Variants in CHODL observed in about 807,000 individuals in gnomAD.
CHODL encodes the protein chondrolectin, also known as transmembrane protein MT75.
CHODL carries 29 observed loss-of-function variants against 34.5 expected under a neutral mutation model. The observed-to-expected ratio is 0.84, with a 90% CI of 0.63 to 1.15. The LOEUF (loss-of-function observed/expected upper bound fraction) is 1.15. CHODL is among the 50% of genes most tolerant of loss of function. CHODL has a pLI of 0.00. For missense variants in CHODL, 332 were observed against 332.5 expected (o/e 1.00, Z 0.01); for synonymous variants, 125 against 116.1 (o/e 1.08, Z -0.49).
chr21:18,257,228 G>T (rs2074329027), intron 3 of CHODL, 101 bp downstream of exon 3: 9 of 1,099,258 alleles, frequency 8.2e-6, no homozygotes, highest in Non-Finnish European at 1.2e-5. Flanking sequence ...TTGTTTTTCT[G>T]CTGTGAAATA....
chr21:18,192,958 T>C (rs1304249510), intron 2 of CHODL, among the ~76,000 whole-genome samples: 1 of 152,164 alleles, frequency 6.6e-6, no homozygotes, highest in Admixed American at 6.5e-5. Context: ...TTAAAGCTAT[T>C]TAAGTTGGAA....
chr21:18,026,294 G>C (rs1449090540), intron 1 of CHODL, among the ~76,000 whole-genome samples: 1 of 152,158 alleles, frequency 6.6e-6, no homozygotes, highest in South Asian at 2.1e-4. Context: ...GATTTGAACA[G>C]CCTTAGTTCT....
intron 1 of CHODL, among the ~76,000 whole-genome samples, chr21:18,250,490 A>T (rs1328908607): frequency 6.6e-6 from 1 of 151,908 alleles, no homozygotes; most frequent in Non-Finnish European, 1.5e-5. Context: ...AATGTAAGAA[A>T]ATAGACTCCA....
upstream of CHODL, among the ~76,000 whole-genome samples, chr21:18,243,204 C>T (rs1192535371): frequency 2.0e-5 from 3 of 152,210 alleles, no homozygotes; most frequent in Non-Finnish European, 4.4e-5. Flanking sequence ...CATTTATACA[C>T]AGAGTTATTA....
In CHODL at chr21:18,231,903, T is replaced by G. The variant is rs1322072223; in HGVS notation, c.-44-24606T>G. 5.9e-5 allele frequency among the ~76,000 whole-genome samples: 9 copies of G among 151,986 alleles called. 1 individual carries two copies. Among genetic ancestry groups the G allele is most frequent in the Non-Finnish European group, 1.3e-4 (9 of 67,964 alleles). Reference sequence around the variant, plus strand: ...GTAGTTACCGCTGGAGAAACTTGTATATAGTTTTATATAATAAAATGATGG... The same window carrying G: ...GTAGTTACCGCTGGAGAAACTTGTAGATAGTTTTATATAATAAAATGATGG... On this transcript the variant is annotated intron_variant, in intron 2 of 6. Coordinates refer to the CHODL transcript ENST00000400127.
rs747499700 is a variant in CHODL at position 18,266,008 on chromosome 21, T to C, written c.792T>C (p.Ser264=). Residue 264 remains serine (S), a synonymous_variant, in exon 6 of 6, where the codon AGT becomes AGC. Coordinates refer to ENST00000299295, the MANE Select transcript of CHODL (RefSeq NM_024944.3). ...PNQSTLWISK[S]TRKESGMEV is the part of the protein sequence containing the mutation. ...AGTCTACACTGTGGATTTCAAAGAG[T>C]ACCAGAAAAGAAAGTGGCATGGAAG... 1 of 1,613,348 alleles carries C rather than the reference T, an allele frequency of 6.2e-7. No individual in the cohort carries two copies. Among genetic ancestry groups the C allele is most frequent in the Non-Finnish European group, 8.5e-7 (1 of 1,179,646 alleles).
chr21:18,179,601 G>A (rs2073357356), intron 2 of CHODL, among the ~76,000 whole-genome samples: 1 of 152,100 alleles, frequency 6.6e-6, no homozygotes, highest in Non-Finnish European at 1.5e-5. Context: ...ACTTTATCTT[G>A]ATTCTCCTGT....
At chr21:17,978,747 C>T (rs763896187) in intron 1 of CHODL, among the ~76,000 whole-genome samples, 7 of 139,698 alleles carry the variant, frequency 5.0e-5, no homozygotes, top group East Asian at 2.1e-4. Flanking sequence ...AAAAAAAAAA[C>T]AAACAAACAG....
chr21:18,174,152 T>TATATATATATATATATATATATATATAA (rs1568923201), intron 2 of CHODL, among the ~76,000 whole-genome samples: 4 of 125,824 alleles, frequency 3.2e-5, no homozygotes, highest in African/African-American at 1.2e-4. Flanking sequence ...TATATATATA[T>TATATATATATATATATATATATATATAA]ATATATATAA....
At chr21:17,997,454 G>A (rs2063860995) in intron 1 of CHODL, among the ~76,000 whole-genome samples, 1 of 152,202 alleles carries the variant, frequency 6.6e-6, no homozygotes, top group African/African-American at 2.4e-5. Flanking sequence ...CCTGGGCTTG[G>A]CAGATATTGG....
chr21:18,022,824 G>T (rs1341280004), intron 1 of CHODL, among the ~76,000 whole-genome samples: 2 of 152,290 alleles, frequency 1.3e-5, no homozygotes, highest in South Asian at 4.2e-4. Flanking sequence ...ACTCCAATGA[G>T]CATTATCTTG....
intron 1 of CHODL, among the ~76,000 whole-genome samples, chr21:17,960,490 C>T (rs866448829): frequency 2.0e-5 from 3 of 152,218 alleles, no homozygotes; most frequent in Admixed American, 6.5e-5. Flanking sequence ...AGATTTTTTT[C>T]AGTTCTCATC....
intron 2 of CHODL, among the ~76,000 whole-genome samples, chr21:18,148,417 T>C (rs890759028): frequency 6.6e-6 from 1 of 150,548 alleles, no homozygotes; most frequent in African/African-American, 2.5e-5. Context: ...TTTATATGTA[T>C]GATTTTTTTA....
intron 2 of CHODL, among the ~76,000 whole-genome samples, chr21:18,219,036 A>G (rs1183360088): frequency 6.6e-6 from 1 of 151,794 alleles, no homozygotes; most frequent in Non-Finnish European, 1.5e-5. Context: ...AACTGTTCCA[A>G]CCTCTGCCTG....
chr21:17,955,986 A>C lies in CHODL; in HGVS notation c.-145+38586A>C, dbSNP rs73323213. Among the ~76,000 whole-genome samples, 1,206 of 137,094 alleles carry C rather than the reference A, an allele frequency of 8.8e-3. 119 individuals carry two copies. The highest frequency in any genetic ancestry group is 0.029 in the African/African-American group (1,145 of 39,980). The allele number at this position is 137,094 out of a possible 152,430, so 89.9% of individuals were successfully genotyped here. On this transcript the variant is annotated intron_variant, in intron 1 of 6. Coordinates refer to the CHODL transcript ENST00000400127. ...ATCCCGGAAGAAAAAGATTTTGAGG[A>C]GTTCATATAACTTTCAGGGAGTCTT...
At chr21:18,228,269 A>AT (rs1323984025) in intron 2 of CHODL, among the ~76,000 whole-genome samples, 2 of 152,168 alleles carry the variant, frequency 1.3e-5, no homozygotes, top group African/African-American at 2.4e-5. Context: ...GCAGAGTGAT[A>AT]GAGAGTTTCA....
chr21:17,945,857 G>A (rs749021104), intron 1 of CHODL, among the ~76,000 whole-genome samples: 2 of 152,038 alleles, frequency 1.3e-5, no homozygotes, highest in Non-Finnish European at 2.9e-5. Context: ...AGCAAGAGAT[G>A]AGAAACATAT....
At chr21:18,183,138 C>T (rs114973049) in intron 2 of CHODL, among the ~76,000 whole-genome samples, 3,060 of 152,182 alleles carry the variant, frequency 0.02, 115 homozygotes, top group African/African-American at 0.068. Context: ...TTTGGGGATC[C>T]CTTTCTCCAA....
chr21:17,986,066 T>C lies in CHODL; in HGVS notation c.-144-41806T>C, dbSNP rs547582820. On this transcript the variant is annotated intron_variant, in intron 1 of 6. Coordinates refer to the CHODL transcript ENST00000400127. ...CACATTGGAGGTTAGGATTTCAACATAGGAATTTTGGAAGGGCACAAGTAT... is the reference window on the plus strand; with the variant it reads ...CACATTGGAGGTTAGGATTTCAACACAGGAATTTTGGAAGGGCACAAGTAT... Among the ~76,000 whole-genome samples the C allele has an allele frequency of 7.2e-5, 11 of 152,272 alleles. No individual in the cohort carries two copies. In the South Asian group the frequency reaches 1.7e-3, roughly 23 times the overall value.
Sources: allele counts gnomAD v4.1 joint callset (sites outside exome capture counted in the v4.1 genomes callset), GRCh38; gene constraint gnomAD v4.1.1; transcripts MANE v1.5; gene names NCBI Gene and HGNC (gene_info 2026-07-23, HGNC 2026-07-21).